Variants in BAZ1A observed in about 807,000 individuals in gnomAD.
The protein encoded by BAZ1A is bromodomain adjacent to zinc finger domain protein 1A.
A neutral mutation model predicts 185.2 loss-of-function variants in BAZ1A; 50 were observed. The observed-to-expected ratio is 0.27, with a 90% CI of 0.22 to 0.34. BAZ1A has a LOEUF of 0.34. BAZ1A is among the 10% of genes least tolerant of loss of function. The probability of loss-of-function intolerance (pLI) is 1.00; values close to 1 mark genes in which losing one functional copy is unlikely to be tolerated. For synonymous variants in BAZ1A, 571 were observed against 615.6 expected, an observed-to-expected ratio of 0.93 and a Z score of 1.07; for missense variants, 1,356 against 1,839.9, an observed-to-expected ratio of 0.74 and a Z score of 4.81.
rs372962278 is a variant in BAZ1A, at chr14:34,766,381, A to G, written c.3302-1113T>C. Reference sequence around the variant, plus strand: ...AGCTGGAAAAGTGAAGAAATACACAATGAGTTAAAACCATAAAGCAGAGAC... The same window carrying G: ...AGCTGGAAAAGTGAAGAAATACACAGTGAGTTAAAACCATAAAGCAGAGAC... On this transcript the variant is annotated intron_variant, in intron 21 of 26. Coordinates refer to ENST00000360310, the MANE Select transcript of BAZ1A (RefSeq NM_013448.3). Among the ~76,000 whole-genome samples, 4 of 152,288 alleles carry G rather than the reference A, an allele frequency of 2.6e-5. No individual in the cohort carries two copies. In the South Asian group the frequency reaches 8.3e-4, roughly 32 times the overall value.
intron 2 of BAZ1A, among the ~76,000 whole-genome samples, chr14:34,870,197 C>T (rs1340355723): frequency 6.6e-6 from 1 of 152,138 alleles, no homozygotes; most frequent in Non-Finnish European, 1.5e-5. Flanking sequence ...TTTAAAACAT[C>T]TGAAACTAAG....
rs745307176 is a variant in BAZ1A at position 34,862,293 on chromosome 14, T to C, written c.143A>G (p.Asn48Ser). The C allele has an allele frequency of 6.2e-7, 1 of 1,612,968 alleles. No homozygotes were observed. Among genetic ancestry groups the C allele is most frequent in the Non-Finnish European group, 8.5e-7 (1 of 1,179,414 alleles). Residue 48 changes from asparagine to serine, a missense_variant, in exon 3 of 27, where the codon AAC (asparagine) becomes AGC (serine). Around this residue, in one of 7 missense-constraint regions of BAZ1A, gnomAD observed 332 missense variants for 395.3 expected, o/e 0.84. Transcript: ENST00000360310. Reference sequence around the variant, plus strand: ...CACAGCACAACTCCACACAAGGCTGTTGCACAGAATGGTTCGTTCAAAAAA... The same window carrying C: ...CACAGCACAACTCCACACAAGGCTGCTGCACAGAATGGTTCGTTCAAAAAA... Reference protein sequence around the residue: ...DDFFERTILCNSLVWSCAVTG... With the variant: ...DDFFERTILCSSLVWSCAVTG...
At chr14:34,768,123 G>A (rs1272112092) in intron 21 of BAZ1A, among the ~76,000 whole-genome samples, 1 of 152,006 alleles carries the variant, frequency 6.6e-6, no homozygotes, top group Admixed American at 6.6e-5. Flanking sequence ...AAAATGTCTT[G>A]TTTATCTTTT....
rs551252007 is a variant in BAZ1A at position 34,798,245 on chromosome 14, T to C, written c.1128+1979A>G. ...AGCTCTGAAAGGCCTGCTGCGTCTG[T>C]AGACCACACCGCTGGGGGCAGGGTG... On this transcript the variant is annotated intron_variant, in intron 9 of 26. Coordinates refer to ENST00000360310, the MANE Select transcript of BAZ1A (RefSeq NM_013448.3). 1.8e-4 allele frequency among the ~76,000 whole-genome samples: 27 copies of C among 152,380 alleles called. No homozygotes were observed. In the South Asian group the frequency reaches 5.6e-3, roughly 32 times the overall value.
intron 6 of BAZ1A, among the ~76,000 whole-genome samples, chr14:34,806,649 G>A (rs1474587037): frequency 6.6e-6 from 1 of 152,106 alleles, no homozygotes; most frequent in African/African-American, 2.4e-5. Context: ...TGTGCAATGT[G>A]AAATCTCTAA....
rs1469201593 is a variant in BAZ1A, at chr14:34,776,032, G to C, written c.2720C>G (p.Ala907Gly). The change falls in exon 18 of 27, where the codon GCT becomes GGT. Residue 907 changes from alanine to glycine, a missense_variant. Physicochemically the swap from Ala to Gly is moderately conservative, Grantham distance 60. Coordinates refer to ENST00000360310, the MANE Select transcript of BAZ1A (RefSeq NM_013448.3). ...TTCTCTATGTCCTCTAGAATTAAGA[G>C]CTTCAATAAGCTGGTCTAGCTGTTC... ...SCEQLDQLIE[A>G]LNSRGHRESA... 1.2e-6 allele frequency: 2 copies of C among 1,614,090 alleles called. No individual in the cohort carries two copies. The highest frequency in any genetic ancestry group is 8.5e-7 in the Non-Finnish European group (1 of 1,179,980).
At chr14:34,756,441 C>T (rs112513907) in intron 25 of BAZ1A, among the ~76,000 whole-genome samples, 14,582 of 145,358 alleles carry the variant, frequency 0.1, 960 homozygotes, top group Admixed American at 0.2. Flanking sequence ...ACAGGCGTGA[C>T]ACACTGCACC....
intron 3 of BAZ1A, among the ~76,000 whole-genome samples, chr14:34,833,436 GA>G (rs2042282002): frequency 6.6e-6 from 1 of 152,160 alleles, no homozygotes; most frequent in Admixed American, 6.5e-5. Context: ...GCTGAGACAG[GA>G]GAATCATTTG....
At chr14:34,831,049 T>C (rs2042235587) in intron 3 of BAZ1A, among the ~76,000 whole-genome samples, 1 of 152,206 alleles carries the variant, frequency 6.6e-6, no homozygotes. Flanking sequence ...ATACCTACCA[T>C]TGGGCTAAAT....
chr14:34,798,192 A>G (rs1296554759), intron 9 of BAZ1A, among the ~76,000 whole-genome samples: 1 of 152,264 alleles, frequency 6.6e-6, no homozygotes, highest in Non-Finnish European at 1.5e-5. Context: ...AGCTGCTGGG[A>G]AAGCTCAAAC....
intron 3 of BAZ1A, among the ~76,000 whole-genome samples, chr14:34,844,897 A>C (rs2042484311): frequency 6.6e-6 from 1 of 152,174 alleles, no homozygotes; most frequent in Non-Finnish European, 1.5e-5. Flanking sequence ...TCAAAATAAA[A>C]ATCAGAAGAC....
chr14:34,769,280 C>T (rs1410646729), intron 21 of BAZ1A, among the ~76,000 whole-genome samples: 2 of 152,112 alleles, frequency 1.3e-5, no homozygotes, highest in Non-Finnish European at 2.9e-5. Flanking sequence ...TTAAGTTATT[C>T]TAATAACTTT....
At chr14:34,759,183 T>TTTTTTTTTTTTTG (rs1886407297) in intron 24 of BAZ1A, among the ~76,000 whole-genome samples, 2 of 120,962 alleles carry the variant, frequency 1.7e-5, no homozygotes, top group Non-Finnish European at 3.3e-5. Context: ...TTTTTTTTTT[T>TTTTTTTTTTTTTG]TTTTTTTTTT....
intron 12 of BAZ1A, among the ~76,000 whole-genome samples, chr14:34,786,887 C>G (rs539949192): frequency 6.6e-6 from 1 of 151,680 alleles, no homozygotes; most frequent in Non-Finnish European, 1.5e-5. Flanking sequence ...GGATTACAGG[C>G]GTGAACCATG....
chr14:34,800,506 G>T, intron 8 of BAZ1A, 116 bp from the exon 9 acceptor site: 1 of 850,508 alleles, frequency 1.2e-6, no homozygotes, highest in Non-Finnish European at 1.7e-6. Context: ...GATTAGTAGA[G>T]ACTCTTAAAA....
intron 3 of BAZ1A, among the ~76,000 whole-genome samples, chr14:34,850,610 C>G (rs1013531557): frequency 6.6e-6 from 1 of 152,176 alleles, no homozygotes; most frequent in African/African-American, 2.4e-5. Context: ...AGAATTTGAA[C>G]TATTAAGTAG....
intron 14 of BAZ1A, among the ~76,000 whole-genome samples, chr14:34,784,457 A>G (rs535279345): frequency 2.7e-5 from 4 of 149,924 alleles, no homozygotes; most frequent in South Asian, 2.1e-4. Context: ...TCTATCTTGT[A>G]TACTAGTTAA....
At position 34,810,920 on chromosome 14, in the gene BAZ1A, G is replaced by A; in HGVS notation, c.638+15C>T. On this transcript the variant is annotated intron_variant, in intron 5 of 26. Transcript: ENST00000360310. ...TTCTACTTTAAACTACTATTGAGAA[G>A]ATAGTGAGTTTTACCTGATTTGTGT... 1 of 1,531,892 alleles carries A rather than the reference G, an allele frequency of 6.5e-7. No individual in the cohort carries two copies. Among genetic ancestry groups the A allele is most frequent in the Non-Finnish European group, 9.0e-7 (1 of 1,109,408 alleles). The allele number at this position is 1,531,892 out of a possible 1,614,324, so 94.9% of individuals were successfully genotyped here.
At chr14:34,861,011 C>A (rs1448552802) in intron 3 of BAZ1A, among the ~76,000 whole-genome samples, 1 of 152,068 alleles carries the variant, frequency 6.6e-6, no homozygotes, top group Non-Finnish European at 1.5e-5. Context: ...TAGCACCTAA[C>A]AATTAAAATG....
Sources: allele counts gnomAD v4.1 joint callset (sites outside exome capture counted in the v4.1 genomes callset), GRCh38; gene constraint gnomAD v4.1.1; regional missense constraint gnomAD v4.1.1; transcripts MANE v1.5; gene names NCBI Gene and HGNC (gene_info 2026-07-23, HGNC 2026-07-21).